The following SMARCAD1 variants were observed in gnomAD, a reference collection of about 807,000 sequenced individuals.
SMARCAD1 encodes SNF2 related chromatin remodeling ATPase with DExD box 1.
A neutral mutation model predicts 127.1 loss-of-function variants in SMARCAD1; 25 were observed. The observed-to-expected ratio is 0.20, with a 90% CI of 0.14 to 0.27. The LOEUF (loss-of-function observed/expected upper bound fraction) is 0.27, where lower values mean the gene tolerates loss of function less well. SMARCAD1 is among the 10% of genes least tolerant of loss of function. The pLI, the probability that SMARCAD1 is intolerant of heterozygous loss-of-function variation, is 1.00. For synonymous variants in SMARCAD1, 400 were observed against 396.9 expected (o/e 1.01, Z -0.09); for missense variants, 807 against 1,206.0 (o/e 0.67, Z 4.90).
intron 10 of SMARCAD1, among the ~76,000 whole-genome samples, chr4:94,267,750 T>G (rs1751947711): frequency 6.6e-6 from 1 of 152,162 alleles, no homozygotes; most frequent in African/African-American, 2.4e-5. Context: ...CAGAGATATT[T>G]TAATACTCTG....
intron 10 of SMARCAD1, among the ~76,000 whole-genome samples, chr4:94,266,199 A>G (rs1751710221): frequency 6.6e-6 from 1 of 152,122 alleles, no homozygotes; most frequent in Admixed American, 6.5e-5. Context: ...GTTCTCCAGC[A>G]TTGGATATGG....
At chr4:94,208,322 C>G (rs778596482) in intron 1 of SMARCAD1, 24 bp from the exon 2 acceptor site, 1 of 1,505,522 alleles carries the variant, frequency 6.6e-7, no homozygotes, top group East Asian at 2.3e-5. Flanking sequence ...GGCCTTTTTT[C>G]CTCTCTTTAT....
At chr4:94,287,339 C>T (rs893995145) in intron 23 of SMARCAD1, among the ~76,000 whole-genome samples, 1 of 152,168 alleles carries the variant, frequency 6.6e-6, no homozygotes, top group Non-Finnish European at 1.5e-5. Flanking sequence ...CTTTCCATCT[C>T]TCACAGTGAG....
At position 94,290,957 on chromosome 4, in the gene SMARCAD1, A is replaced by C. The variant is rs1257643993; in HGVS notation, c.*1423A>C. ...TTTAGATATTAAAGACTGAGAACTC[A>C]CGGCTTAACCCCAGTCTTGATGGTA... is the stretch of plus-strand genomic sequence containing the variant. On this transcript the variant is annotated 3_prime_UTR_variant, in exon 24 of 24. Coordinates refer to ENST00000354268, the MANE Select transcript of SMARCAD1 (RefSeq NM_020159.5). The C allele has an allele frequency of 4.4e-6, 2 of 451,920 alleles. No homozygotes were observed. Among genetic ancestry groups the C allele is most frequent in the Non-Finnish European group, 8.8e-6 (2 of 226,142 alleles). The allele number at this position is 451,920 out of a possible 1,614,324, so 28.0% of individuals were successfully genotyped here. A position where few individuals can be genotyped will look rare whatever the true frequency, so the allele number is the denominator to read the frequency against.
At chr4:94,270,531 TAGAGA>T in intron 10 of SMARCAD1, 192 bp from the exon 11 acceptor site, 1 of 518,216 alleles carries the variant, frequency 1.9e-6, no homozygotes, top group Admixed American at 3.1e-5. Flanking sequence ...AGAAATAGAA[TAGAGA>T]ATAAAGTTTG....
intron 22 of SMARCAD1, among the ~76,000 whole-genome samples, chr4:94,284,580 T>TTG (rs1258729699): frequency 2.7e-5 from 4 of 149,106 alleles, no homozygotes; most frequent in African/African-American, 9.9e-5. Context: ...GTTTTTGTTT[T>TTG]TTTTTTTTTT....
chr4:94,242,428 T>C (rs1475961113), intron 6 of SMARCAD1, among the ~76,000 whole-genome samples: 1 of 152,080 alleles, frequency 6.6e-6, no homozygotes, highest in Non-Finnish European at 1.5e-5. Context: ...TTTTAAGTCT[T>C]CTTTTTAGCC....
Position 94,253,633 on chromosome 4 carries a change from A to T in SMARCAD1, c.1281+626A>T, listed in dbSNP as rs138973406. 5.7e-3 allele frequency: 5,861 copies of T among 1,034,874 alleles called. 23 individuals are homozygous for T. The highest frequency in any genetic ancestry group is 6.8e-3 in the Middle Eastern group (14 of 2,052). 64.1% of individuals were successfully genotyped at this position (1,034,874 alleles called of 1,614,324 possible). A position where few individuals can be genotyped will look rare whatever the true frequency, so the allele number is the denominator to read the frequency against. On this transcript the variant is annotated intron_variant, in intron 9 of 23. Coordinates refer to ENST00000354268, the MANE Select transcript of SMARCAD1 (RefSeq NM_020159.5). ...AAGATAGAAAAATTTCTGGAAGCCT[A>T]TAATTCAAGCGTTAGGTGAAGGGAA...
At chr4:94,253,176 T>C (rs577004897) in intron 9 of SMARCAD1, 169 bp downstream of exon 9, 63 of 1,505,908 alleles carry the variant, frequency 4.2e-5, no homozygotes, top group Middle Eastern at 1.7e-4. Flanking sequence ...AATAGTGTCA[T>C]ATGACCTAAT....
In SMARCAD1 at chr4:94,252,808, A is replaced by T; in HGVS notation, c.1082A>T (p.Asp361Val). The T allele has an allele frequency of 6.2e-7, 1 of 1,614,118 alleles. No individual in the cohort carries two copies. The highest frequency in any genetic ancestry group is 8.5e-7 in the Non-Finnish European group (1 of 1,179,992). The change falls in exon 9 of 24, where the codon GAT (aspartate) becomes GTT (valine). Residue 361 changes from aspartate to valine, a missense_variant. Asp to Val is a radical substitution (Grantham distance 152). Transcript: ENST00000354268. ...AGAGTTGTTGAAGACTCTGAATATG[A>T]TTCAGGTTCTGATGTCGGTAGTTCA... is the stretch of plus-strand genomic sequence containing the variant. ...PKRVVEDSEYDSGSDVGSSLD... is the reference protein window; with the variant it reads ...PKRVVEDSEYVSGSDVGSSLD...
At chr4:94,209,271 C>T (rs1474140221) in intron 2 of SMARCAD1, among the ~76,000 whole-genome samples, 2 of 152,152 alleles carry the variant, frequency 1.3e-5, no homozygotes, top group African/African-American at 2.4e-5. Flanking sequence ...AAGTGCTTCA[C>T]CTTCTGTCAT....
At chr4:94,245,840 T>C (rs1267621659) in intron 6 of SMARCAD1, among the ~76,000 whole-genome samples, 1 of 152,230 alleles carries the variant, frequency 6.6e-6, no homozygotes, top group East Asian at 1.9e-4. Context: ...TTTAACAATT[T>C]TGCATAATGC....
At chr4:94,263,813 T>C (rs983738805) in intron 9 of SMARCAD1, among the ~76,000 whole-genome samples, 7 of 151,936 alleles carry the variant, frequency 4.6e-5, no homozygotes, top group Non-Finnish European at 4.4e-5. Context: ...TTCTGGCTTA[T>C]GGGATTTTCA....
chr4:94,220,260 T>TATG (rs965585895), intron 2 of SMARCAD1, among the ~76,000 whole-genome samples: 1 of 151,758 alleles, frequency 6.6e-6, no homozygotes, highest in Non-Finnish European at 1.5e-5. Flanking sequence ...TTATTATTAT[T>TATG]TTTTTGAGAT....
chr4:94,232,490 G>A lies in SMARCAD1; in HGVS notation c.369-1464G>A, dbSNP rs185804891. ...AGGCATAATGAAAATTCAAAGTTGA[G>A]TACATCAGGAATGAGAAGTCTAGGT... On this transcript the variant is annotated intron_variant, in intron 3 of 23. Transcript: ENST00000354268. 2.6e-5 allele frequency among the ~76,000 whole-genome samples: 4 copies of A among 152,302 alleles called. No homozygotes were observed. The East Asian group carries it at 7.7e-4, about 29-fold the overall frequency.
At chr4:94,245,424 T>C (rs1331050134) in intron 6 of SMARCAD1, among the ~76,000 whole-genome samples, 1 of 152,222 alleles carries the variant, frequency 6.6e-6, no homozygotes, top group Non-Finnish European at 1.5e-5. Context: ...GATATTAGGA[T>C]AGTCTTGTGT....
At chr4:94,242,588 T>A (rs759840633) in intron 6 of SMARCAD1, among the ~76,000 whole-genome samples, 1 of 152,028 alleles carries the variant, frequency 6.6e-6, no homozygotes, top group Non-Finnish European at 1.5e-5. Context: ...GGTTCTAAAA[T>A]TATGCAAATC....
In SMARCAD1 at chr4:94,276,420, C is replaced by T. The variant is rs147108123; in HGVS notation, c.1890C>T (p.Gly630=). The T allele has an allele frequency of 9.3e-6, 15 of 1,613,982 alleles. No homozygotes were observed. In the African/African-American group the frequency reaches 1.7e-4, roughly 19 times the overall value. The part of the protein sequence containing the change: ...LKLNYAIFDE[G]HMLKNMGSIR... ...TTAATTACGCAATTTTTGATGAGGGCCATATGCTGAAGAATATGGGCTCCA... is the reference window on the plus strand; with the variant it reads ...TTAATTACGCAATTTTTGATGAGGGTCATATGCTGAAGAATATGGGCTCCA... Residue 630 remains glycine, a synonymous_variant, in exon 15 of 24, where the codon GGC becomes GGT. Transcript: ENST00000354268.
intron 9 of SMARCAD1, among the ~76,000 whole-genome samples, chr4:94,262,539 A>G (rs767683521): frequency 3.3e-5 from 5 of 152,182 alleles, no homozygotes; most frequent in East Asian, 1.9e-4. Context: ...AAACCCTTCA[A>G]TAGCTTTTTA....
Sources: allele counts gnomAD v4.1 joint callset (sites outside exome capture counted in the v4.1 genomes callset), GRCh38; gene constraint gnomAD v4.1.1; transcripts MANE v1.5; gene names NCBI Gene and HGNC (gene_info 2026-07-23, HGNC 2026-07-21).